The following DOCK1 variants were observed in gnomAD, a reference collection of about 807,000 sequenced individuals.
DOCK1 encodes the protein dedicator of cytokinesis 1.
DOCK1 carries 138 observed loss-of-function variants against 262.7 expected under a neutral mutation model. The observed-to-expected ratio is 0.53, with a 90% CI of 0.46 to 0.61. The LOEUF (loss-of-function observed/expected upper bound fraction) is 0.61, where lower values mean the gene tolerates loss of function less well. Ranked by LOEUF, DOCK1 falls within the 20% of genes least tolerant of loss-of-function variation. DOCK1 has a pLI of 0.00. For missense variants in DOCK1, 1,908 were observed against 2,370.7 expected, an observed-to-expected ratio of 0.80 and a Z score of 4.05; for synonymous variants, 866 against 867.4, an observed-to-expected ratio of 1.00 and a Z score of 0.03.
At chr10:126,910,079 T>C (rs1409247403) in intron 1 of DOCK1, among the ~76,000 whole-genome samples, 1 of 152,106 alleles carries the variant, frequency 6.6e-6, no homozygotes, top group East Asian at 1.9e-4. Flanking sequence ...GAGATCTCTT[T>C]TGTTATCTAG....
At chr10:127,162,904 T>G (rs528317255) in intron 27 of DOCK1, among the ~76,000 whole-genome samples, 1 of 152,282 alleles carries the variant, frequency 6.6e-6, no homozygotes, top group East Asian at 1.9e-4. Flanking sequence ...AAGACCTTTG[T>G]TTCCAAAATG....
At chr10:126,982,040 T>C in intron 4 of DOCK1, 67 bp downstream of exon 4, 1 of 1,535,100 alleles carries the variant, frequency 6.5e-7, no homozygotes, top group Non-Finnish European at 9.0e-7. Context: ...TGCTCTTTTG[T>C]ACGATGGCGT....
intron 27 of DOCK1, among the ~76,000 whole-genome samples, chr10:127,167,799 A>G (rs1001446973): frequency 4.6e-5 from 7 of 152,002 alleles, no homozygotes; most frequent in South Asian, 2.1e-4. Context: ...GTCTCCATTT[A>G]GTGATCCTCA....
Position 127,422,158 on chromosome 10 carries a change from C to CTTTTTTTTTTT in DOCK1, c.4776+2426_4776+2436dup, listed in dbSNP as rs35535729. Among the ~76,000 whole-genome samples, 5 of 61,384 alleles carry CTTTTTTTTTTT rather than the reference C, an allele frequency of 8.1e-5. 1 individual carries two copies. The highest frequency in any genetic ancestry group is 1.4e-4 in the Non-Finnish European group (5 of 34,548). 40.3% of individuals were successfully genotyped at this position (61,384 alleles called of 152,430 possible). A position where few individuals can be genotyped will look rare whatever the true frequency, so the allele number is the denominator to read the frequency against. On this transcript the variant is annotated intron_variant, in intron 46 of 51. Coordinates refer to ENST00000623213, the MANE Select transcript of DOCK1 (RefSeq NM_001290223.2). ...CAACAAGACTTGTTATTTTGTTTGT[C>CTTTTTTTTTTT]TTTTTTTTTTTTTTTTTTTTTTTTT...
At chr10:127,335,716 T>G (rs1172678963) in intron 29 of DOCK1, among the ~76,000 whole-genome samples, 2 of 143,002 alleles carry the variant, frequency 1.4e-5, no homozygotes, top group African/African-American at 5.1e-5. Flanking sequence ...CCCAGCTAAT[T>G]TTTTTTTTTT....
chr10:127,447,635 T>C, intron 51 of DOCK1, 90 bp downstream of exon 51: 1 of 1,523,848 alleles, frequency 6.6e-7, no homozygotes, highest in Non-Finnish European at 8.8e-7. Flanking sequence ...CAGGTTTACT[T>C]CGGGCTAGTG....
In DOCK1 at chr10:126,963,626, TTCCCTTC is replaced by T. The variant is rs1357997570; in HGVS notation, c.47-7075_47-7069del. Among the ~76,000 whole-genome samples the T allele has an allele frequency of 1.8e-3, 101 of 55,038 alleles. 5 individuals carry two copies. The South Asian group carries it at 0.056, about 30-fold the overall frequency. The allele number at this position is 55,038 out of a possible 152,430, so 36.1% of individuals were successfully genotyped here. A position where few individuals can be genotyped will look rare whatever the true frequency, so the allele number is the denominator to read the frequency against. ...TTCCCTTCCCTTCCCTTCCCTTCCC[TTCCCTTC>T]CCTTCCCTCCTTCCTTCCTTCCTTC... On this transcript the variant is annotated intron_variant, in intron 1 of 51. Transcript: ENST00000623213.
At chr10:127,298,452 G>A (rs1309420992) in intron 29 of DOCK1, among the ~76,000 whole-genome samples, 5 of 152,188 alleles carry the variant, frequency 3.3e-5, no homozygotes, top group Non-Finnish European at 1.5e-5. Context: ...AGTTAGGAGG[G>A]AGTTTTCCCT....
intron 27 of DOCK1, among the ~76,000 whole-genome samples, chr10:127,199,315 A>T (rs149960317): frequency 6.6e-6 from 1 of 152,256 alleles, no homozygotes; most frequent in African/African-American, 2.4e-5. Flanking sequence ...GAATTGCTGG[A>T]ATTCCACCCC....
rs571776234 is a variant in DOCK1 at position 127,374,309 on chromosome 10, C to T, written c.3675+95C>T. On this transcript the variant is annotated intron_variant, in intron 35 of 51. Coordinates refer to ENST00000623213, the MANE Select transcript of DOCK1 (RefSeq NM_001290223.2). ...AGCCCTTATCTATGACAGTCAGCCA[C>T]GAAGCTTTCCACCGCAGAACAATCT... 595 of 1,418,866 alleles carry T rather than the reference C, an allele frequency of 4.2e-4. 6 individuals carry two copies. The South Asian group carries it at 8.5e-3, about 20-fold the overall frequency. 87.9% of individuals were successfully genotyped at this position (1,418,866 alleles called of 1,614,324 possible).
At chr10:127,164,446 G>T (rs1236817841) in intron 27 of DOCK1, among the ~76,000 whole-genome samples, 1 of 152,074 alleles carries the variant, frequency 6.6e-6, no homozygotes, top group African/African-American at 2.4e-5. Context: ...GCCTCCCAGA[G>T]TGTTGGGATT....
At position 127,211,697 on chromosome 10, in the gene DOCK1, C is replaced by T. The variant is rs1315928158; in HGVS notation, c.2848-36311C>T. Among the ~76,000 whole-genome samples, 3 of 152,134 alleles carry T rather than the reference C, an allele frequency of 2.0e-5. 1 individual carries two copies. Among genetic ancestry groups the T allele is most frequent in the African/African-American group, 4.8e-5 (2 of 41,412 alleles). ...AGACAGCATTGTTTTTCTAAACATA[C>T]TGAAAATAACGCATGTACCTGGTGA... On this transcript the variant is annotated intron_variant, in intron 27 of 51. Coordinates refer to ENST00000623213, the MANE Select transcript of DOCK1 (RefSeq NM_001290223.2).
At chr10:127,182,386 GA>G (rs1288593144) in intron 27 of DOCK1, among the ~76,000 whole-genome samples, 1 of 152,152 alleles carries the variant, frequency 6.6e-6, no homozygotes, top group Non-Finnish European at 1.5e-5. Flanking sequence ...CGGGGAGTGA[GA>G]ACAAAGGAGG....
chr10:127,229,693 G>A (rs778638503), intron 27 of DOCK1, among the ~76,000 whole-genome samples: 2 of 152,088 alleles, frequency 1.3e-5, no homozygotes, highest in Non-Finnish European at 2.9e-5. Flanking sequence ...AGTGTACATG[G>A]GAGTGCAAAT....
chr10:127,344,074 C>A (rs558874863), intron 31 of DOCK1: 1 of 223,664 alleles, frequency 4.5e-6, no homozygotes, highest in Admixed American at 5.6e-5. Flanking sequence ...CTTAATTCTT[C>A]AATTCGAAAG....
At chr10:127,125,365 G>A in intron 25 of DOCK1, 109 bp from the exon 26 acceptor site, 1 of 1,483,206 alleles carries the variant, frequency 6.7e-7, no homozygotes, top group African/African-American at 1.4e-5. Context: ...AGTTCCACGT[G>A]TTGCACAACG....
intron 25 of DOCK1, 124 bp from the exon 26 acceptor site, chr10:127,125,350 A>AT: frequency 7.4e-7 from 1 of 1,343,158 alleles, no homozygotes; most frequent in Non-Finnish European, 1.0e-6. Flanking sequence ...CCCCCTCCAG[A>AT]TGTCAGTTCC....
intron 29 of DOCK1, among the ~76,000 whole-genome samples, chr10:127,335,776 G>T (rs1222078296): frequency 4.0e-5 from 6 of 151,226 alleles, no homozygotes; most frequent in African/African-American, 1.5e-4. Flanking sequence ...GTGCAGTGGT[G>T]CAATCTCGGC....
In DOCK1 at chr10:127,440,564, G is replaced by A. The variant is rs182942321; in HGVS notation, c.5259+1339G>A. ...GCTTGTCTCAGCCCTGGGCGTCGGC[G>A]GGCTGTGATTAGAGGGTTAGACATA... is the stretch of plus-strand genomic sequence containing the variant. On this transcript the variant is annotated intron_variant, in intron 49 of 51. Transcript: ENST00000623213. Among the ~76,000 whole-genome samples, 412 of 152,308 alleles carry A rather than the reference G, an allele frequency of 2.7e-3. 5 individuals carry two copies. Among genetic ancestry groups the A allele is most frequent in the African/African-American group, 9.4e-3 (392 of 41,564 alleles).
Sources: gnomAD v4.1 joint callset for allele counts (sites outside exome capture counted in the v4.1 genomes callset) on GRCh38, gnomAD v4.1.1 for gene constraint, MANE v1.5 for transcripts, NCBI Gene and HGNC (gene_info 2026-07-23, HGNC 2026-07-21) for gene names.